The following ELP4 variants were observed in gnomAD, a reference collection of about 807,000 sequenced individuals.
ELP4 encodes elongator complex protein 4.
In ELP4, 51 loss-of-function variants were observed where a neutral mutation model predicts 48.9. That is an observed-to-expected ratio of 1.04 (90% CI 0.83 to 1.32). The LOEUF (loss-of-function observed/expected upper bound fraction) is 1.32, where lower values mean the gene tolerates loss of function less well. Among genes scored for constraint, ELP4 ranks in the 40% most tolerant of loss-of-function variants. The pLI is 0.00. For missense variants in ELP4, 519 were observed against 514.6 expected (o/e 1.01, Z -0.08); for synonymous variants, 210 against 189.2 (o/e 1.11, Z -0.90).
At chr11:31,564,038 G>T (rs1957065074) in intron 3 of ELP4, among the ~76,000 whole-genome samples, 1 of 152,086 alleles carries the variant, frequency 6.6e-6, no homozygotes, top group Non-Finnish European at 1.5e-5. Context: ...TGTTTGATTA[G>T]AAACAGTCAT....
intron 9 of ELP4, among the ~76,000 whole-genome samples, chr11:31,746,458 A>G (rs1194031019): frequency 6.6e-6 from 1 of 152,214 alleles, no homozygotes; most frequent in Non-Finnish European, 1.5e-5. Flanking sequence ...TTGCGTCACT[A>G]TTCACAATAG....
chr11:31,612,475 CT>C lies in ELP4; in HGVS notation c.653+8569del, dbSNP rs533629629. Among the ~76,000 whole-genome samples the C allele has an allele frequency of 7.4e-3, 1,121 of 152,196 alleles. 8 individuals are homozygous for C. Among genetic ancestry groups the C allele is most frequent in the Non-Finnish European group, 0.013 (869 of 68,000 alleles). ...CTTTCTTGCTTCTGTGCTAAGATTC[CT>C]GGGTTGAAATTTTGCAAGGTGGAGT... On this transcript the variant is annotated intron_variant, in intron 5 of 9. Coordinates refer to ENST00000640961, the MANE Select transcript of ELP4 (RefSeq NM_019040.5).
intron 2 of ELP4, among the ~76,000 whole-genome samples, chr11:31,524,320 T>A (rs1956262767): frequency 6.6e-6 from 1 of 152,258 alleles, no homozygotes; most frequent in African/African-American, 2.4e-5. Context: ...GGGAACTATC[T>A]GCTTTCAAGC....
intron 9 of ELP4, among the ~76,000 whole-genome samples, chr11:31,769,349 C>G (rs1948094946): frequency 6.6e-6 from 1 of 152,174 alleles, no homozygotes; most frequent in Admixed American, 6.5e-5. Flanking sequence ...AAAAGGAAAT[C>G]AACACGTTCA....
At chr11:31,517,912 C>CCGG (rs1358239453) in intron 1 of ELP4, among the ~76,000 whole-genome samples, 2 of 152,078 alleles carry the variant, frequency 1.3e-5, no homozygotes, top group Non-Finnish European at 2.9e-5. Flanking sequence ...GCCACCGCAC[C>CCGG]CGGCCCAACT....
chr11:31,638,932 T>C (rs555755455), intron 7 of ELP4, among the ~76,000 whole-genome samples: 1 of 152,014 alleles, frequency 6.6e-6, no homozygotes, highest in East Asian at 1.9e-4. Flanking sequence ...AAGAAAAATA[T>C]ACTTTTGTGA....
chr11:31,685,794 G>A (rs1037607501), intron 9 of ELP4, among the ~76,000 whole-genome samples: 1 of 151,956 alleles, frequency 6.6e-6, no homozygotes, highest in Non-Finnish European at 1.5e-5. Context: ...AGCTGGGCAT[G>A]GTGGCACACG....
At chr11:31,717,820 T>C (rs1946872009) in intron 9 of ELP4, among the ~76,000 whole-genome samples, 4 of 152,194 alleles carry the variant, frequency 2.6e-5, no homozygotes, top group Admixed American at 2.6e-4. Flanking sequence ...TGTAATTTAG[T>C]GTATTTTATT....
At chr11:31,782,994 T>C (rs1257184503) in intron 9 of ELP4, among the ~76,000 whole-genome samples, 1 of 152,220 alleles carries the variant, frequency 6.6e-6, no homozygotes, top group Non-Finnish European at 1.5e-5. Context: ...AAATTGCATG[T>C]TGGAGCTCTG....
chr11:31,743,982 G>A (rs1947519035), intron 9 of ELP4, among the ~76,000 whole-genome samples: 2 of 152,010 alleles, frequency 1.3e-5, no homozygotes, highest in Admixed American at 6.6e-5. Context: ...CAACAAAATT[G>A]GTAGACCACT....
chr11:31,531,551 T>C (rs1402991035), intron 2 of ELP4, among the ~76,000 whole-genome samples: 2 of 152,142 alleles, frequency 1.3e-5, no homozygotes, highest in Non-Finnish European at 2.9e-5. Flanking sequence ...TAGCCAGAGT[T>C]GTGAAGGAAT....
At chr11:31,693,697 A>G (rs1193878076) in intron 9 of ELP4, among the ~76,000 whole-genome samples, 3 of 152,312 alleles carry the variant, frequency 2.0e-5, no homozygotes, top group East Asian at 3.9e-4. Context: ...TGGCTGGGTC[A>G]AATAGTATTT....
At chr11:31,590,359 A>G (rs952322315) in intron 3 of ELP4, among the ~76,000 whole-genome samples, 4 of 152,212 alleles carry the variant, frequency 2.6e-5, no homozygotes, top group Admixed American at 2.6e-4. Flanking sequence ...AACATAACTG[A>G]TACTTCAGTC....
At chr11:31,520,196 C>A in intron 2 of ELP4, 105 bp downstream of exon 2, 2 of 938,398 alleles carry the variant, frequency 2.1e-6, no homozygotes, top group Admixed American at 2.7e-5. Context: ...ACTAACACGA[C>A]AGAAGTTAAG....
intron 9 of ELP4, among the ~76,000 whole-genome samples, chr11:31,690,994 A>G (rs1946267968): frequency 6.6e-6 from 1 of 152,022 alleles, no homozygotes; most frequent in Non-Finnish European, 1.5e-5. Context: ...TGCTTTTGGC[A>G]TTTAATATAG....
At chr11:31,754,871 C>A (rs946841525) in intron 9 of ELP4, among the ~76,000 whole-genome samples, 1 of 152,056 alleles carries the variant, frequency 6.6e-6, no homozygotes, top group Admixed American at 6.6e-5. Flanking sequence ...GACTCTATGT[C>A]AAAAATAAAT....
At chr11:31,717,962 C>A (rs919326782) in intron 9 of ELP4, among the ~76,000 whole-genome samples, 1 of 152,034 alleles carries the variant, frequency 6.6e-6, no homozygotes, top group Non-Finnish European at 1.5e-5. Context: ...ATCAACTACA[C>A]CCCACCCTTT....
chr11:31,710,844 G>A (rs1222737253), intron 9 of ELP4, among the ~76,000 whole-genome samples: 2 of 152,110 alleles, frequency 1.3e-5, no homozygotes, highest in African/African-American at 2.4e-5. Flanking sequence ...ACTATATCAT[G>A]TAAGTAATAG....
chr11:31,585,651 TCA>T (rs1241404059), intron 3 of ELP4, among the ~76,000 whole-genome samples: 1 of 151,762 alleles, frequency 6.6e-6, no homozygotes, highest in African/African-American at 2.4e-5. Context: ...GAAAATAAAA[TCA>T]CAAAGATAAA....
Sources: allele counts gnomAD v4.1 joint callset (sites outside exome capture counted in the v4.1 genomes callset), GRCh38; gene constraint gnomAD v4.1.1; transcripts MANE v1.5; gene names NCBI Gene and HGNC (gene_info 2026-07-23, HGNC 2026-07-21).